Variants in AIPL1 observed in about 807,000 individuals in gnomAD.
AIPL1 encodes AIP like 1 HSP90 co-chaperone, also known as aryl-hydrocarbon-interacting protein-like 1.
Under a neutral mutation model 32.9 loss-of-function variants are expected in AIPL1, and 23 were observed. The ratio of observed to expected loss-of-function variants is 0.70; its 90% CI spans 0.50 to 0.99. The LOEUF is 0.99. Ranked by LOEUF, AIPL1 falls within the 50% of genes least tolerant of loss-of-function variation. The pLI is 0.00. For missense variants in AIPL1, 485 were observed against 506.0 expected, an observed-to-expected ratio of 0.96 and a Z score of 0.40; for synonymous variants, 210 against 209.4, an observed-to-expected ratio of 1.00 and a Z score of -0.02.
chr17:6,425,969 T>C, intron 5 of AIPL1, 139 bp from the exon 6 acceptor site: 1 of 1,222,904 alleles, frequency 8.2e-7, no homozygotes, highest in Non-Finnish European at 1.1e-6. Flanking sequence ...CATCCCTCGG[T>C]TTCCTCAACT....
chr17:6,430,314 G>A (rs4796326), intron 2 of AIPL1, among the ~76,000 whole-genome samples: 33,826 of 151,670 alleles, frequency 0.22, 4,683 homozygotes, highest in Admixed American at 0.32. Context: ...AAATTGGCCC[G>A]GTGTGGTGGT....
Position 6,425,325 on chromosome 17 carries a change from ACC to A in AIPL1, c.*133_*134del. ...TGGGATTGTTTTTTTTTTTTTTTTTACCATGGGTGTGTCTGACTTTGATTTCA... is the reference window on the plus strand; with the variant it reads ...TGGGATTGTTTTTTTTTTTTTTTTTAATGGGTGTGTCTGACTTTGATTTCA... On this transcript the variant is annotated 3_prime_UTR_variant, in exon 6 of 6. Coordinates refer to ENST00000381129, the MANE Select transcript of AIPL1 (RefSeq NM_014336.5). 1 of 895,374 alleles carries A rather than the reference ACC, an allele frequency of 1.1e-6. No individual in the cohort carries two copies. 55.5% of individuals were successfully genotyped at this position (895,374 alleles called of 1,614,324 possible).
intron 2 of AIPL1, among the ~76,000 whole-genome samples, chr17:6,430,954 T>C (rs548459382): frequency 4.3e-4 from 66 of 151,986 alleles, no homozygotes; most frequent in African/African-American, 1.5e-3. Context: ...ATGGATAACA[T>C]GTTGAGTGGG....
chr17:6,425,792 C>T lies in AIPL1; in HGVS notation c.823G>A (p.Ala275Thr), dbSNP rs1049797491. 4 of 1,605,880 alleles carry T rather than the reference C, an allele frequency of 2.5e-6. No homozygotes were observed. The highest frequency in any genetic ancestry group is 1.1e-5 in the South Asian group (1 of 91,078). Residue 275 changes from alanine to threonine, a missense_variant, in exon 6 of 6, where the codon GCA becomes ACA. Physicochemically the swap from Ala to Thr is moderately conservative, Grantham distance 58 (BLOSUM62 0). Coordinates refer to ENST00000381129, the MANE Select transcript of AIPL1 (RefSeq NM_014336.5). ...KAYYVRARAH[A>T]EVWNEAEAKA... The stretch of plus-strand genomic sequence containing the variant: ...GCCTCGGCCTCATTCCACACCTCTG[C>T]GTGAGCCCGGGCACGCACGTAGTAG...
At chr17:6,433,188 C>T (rs1263208463) in intron 2 of AIPL1, among the ~76,000 whole-genome samples, 8 of 152,262 alleles carry the variant, frequency 5.3e-5, no homozygotes, top group Admixed American at 1.3e-4. Context: ...GAGTAATTTA[C>T]GGAGTGCCAT....
chr17:6,434,084 G>A lies in AIPL1; in HGVS notation c.111C>T (p.Phe37=), dbSNP rs11650007. 0.026 allele frequency: 42,228 copies of A among 1,613,834 alleles called. 748 individuals are homozygous for A. The highest frequency in any genetic ancestry group is 0.031 in the Non-Finnish European group (37,005 of 1,179,952). Residue 37 remains phenylalanine, a synonymous_variant, in exon 2 of 6, where the codon TTC becomes TTT. Coordinates refer to ENST00000381129, the MANE Select transcript of AIPL1 (RefSeq NM_014336.5). The stretch of plus-strand genomic sequence containing the variant: ...GCTCCTCATCACATTTCATGGTGCG[G>A]AAATGAAAGATCACCTAGTCACCGA... ...FITGSRVIFH[F]RTMKCDEERT...
In AIPL1 at chr17:6,428,485, G is replaced by A. The variant is rs1223856637; in HGVS notation, c.298C>T (p.Leu100=). Residue 100 remains leucine (L), a synonymous_variant, in exon 3 of 6, where the codon CTA becomes TTA. Transcript: ENST00000381129. ...DTIHTGVYPI[L]SRSLRQMAQG... ...GCCATCTGCCTCAGGCTCCGGGATA[G>A]GATGGGGTAGACCCCCGTGTGCTGT... 1 of 1,613,964 alleles carries A rather than the reference G, an allele frequency of 6.2e-7. No homozygotes were observed. Among genetic ancestry groups the A allele is most frequent in the African/African-American group, 1.3e-5 (1 of 75,066 alleles).
At chr17:6,425,983 A>G in intron 5 of AIPL1, 153 bp from the exon 6 acceptor site, 4 of 1,138,270 alleles carry the variant, frequency 3.5e-6, no homozygotes, top group Non-Finnish European at 4.8e-6. Flanking sequence ...CTCAACTGTA[A>G]GATGGAGATG....
intron 2 of AIPL1, among the ~76,000 whole-genome samples, chr17:6,433,367 C>T (rs1216552700): frequency 6.6e-6 from 1 of 152,094 alleles, no homozygotes; most frequent in Non-Finnish European, 1.5e-5. Flanking sequence ...GAGGCCGAGA[C>T]AGGAGGATTG....
At chr17:6,432,238 C>A (rs1363154033) in intron 2 of AIPL1, among the ~76,000 whole-genome samples, 1 of 151,834 alleles carries the variant, frequency 6.6e-6, no homozygotes, top group Non-Finnish European at 1.5e-5. Flanking sequence ...AAAAAATTAC[C>A]CAGGCGTGGT....
At position 6,427,255 on chromosome 17, in the gene AIPL1, C is replaced by T. The variant is rs1912091199; in HGVS notation, c.466-198G>A. 2.0e-5 allele frequency among the ~76,000 whole-genome samples: 3 copies of T among 152,234 alleles called. No homozygotes were observed. The South Asian group carries it at 6.2e-4, about 31-fold the overall frequency. On this transcript the variant is annotated intron_variant, in intron 3 of 5. Transcript: ENST00000381129. ...TCTTTGTGCAAACTAGGAAAAGGTG[C>T]CCGTTCATCAAGACACTTCACTTCT... is the stretch of plus-strand genomic sequence containing the variant.
In AIPL1 at chr17:6,425,755, A is replaced by C. The variant is rs777386622; in HGVS notation, c.860T>G (p.Leu287Arg). ...CGGCTCCAGCTCCAGCACTTTCTGG[A>C]GGTCCGCCTTGGCCTCGGCCTCATT... ...VWNEAEAKAD[L>R]QKVLELEPSM... Residue 287 changes from leucine to arginine, a missense_variant, in exon 6 of 6, where the codon CTC becomes CGC. Physicochemically the swap from Leu to Arg is moderately radical, Grantham distance 102 (BLOSUM62 -2). Coordinates refer to ENST00000381129, the MANE Select transcript of AIPL1 (RefSeq NM_014336.5). 6.8e-6 allele frequency: 11 copies of C among 1,607,282 alleles called. No individual in the cohort carries two copies. Among genetic ancestry groups the C allele is most frequent in the Non-Finnish European group, 6.8e-6 (8 of 1,179,996 alleles).
intron 5 of AIPL1, 103 bp downstream of exon 5, chr17:6,426,512 G>A: frequency 6.5e-7 from 1 of 1,532,650 alleles, no homozygotes; most frequent in Non-Finnish European, 8.7e-7. Flanking sequence ...AAGGTTTGGT[G>A]CCCTGGTGGG....
chr17:6,428,598 G>T, intron 2 of AIPL1, 92 bp from the exon 3 acceptor site: 3 of 1,221,892 alleles, frequency 2.5e-6, no homozygotes, highest in Non-Finnish European at 2.4e-6. Flanking sequence ...CTCCTGGGAG[G>T]AATCCTGCTC....
At chr17:6,428,268 C>A (rs770275435) in intron 3 of AIPL1, 50 bp downstream of exon 3, 4 of 1,594,840 alleles carry the variant, frequency 2.5e-6, no homozygotes, top group Non-Finnish European at 3.4e-6. Flanking sequence ...TGCCCGCTGT[C>A]CCTCTCCAGT....
rs1911967645 is a variant in AIPL1 at position 6,426,487 on chromosome 17, C to T, written c.784+128G>A. ...ATTCAGTTACACACTCGGGGAAACC[C>T]GGCTGGGTGGAGACAAGGTTTGGTG... On this transcript the variant is annotated intron_variant, in intron 5 of 5. Coordinates refer to ENST00000381129, the MANE Select transcript of AIPL1 (RefSeq NM_014336.5). 3 of 1,516,558 alleles carry T rather than the reference C, an allele frequency of 2.0e-6. No individual in the cohort carries two copies. The Admixed American group carries it at 6.0e-5, about 30-fold the overall frequency. The allele number at this position is 1,516,558 out of a possible 1,614,324, so 93.9% of individuals were successfully genotyped here. A position where few individuals can be genotyped will look rare whatever the true frequency, so the allele number is the denominator to read the frequency against.
At chr17:6,429,703 A>C (rs373921615) in intron 2 of AIPL1, among the ~76,000 whole-genome samples, 5 of 152,336 alleles carry the variant, frequency 3.3e-5, no homozygotes, top group East Asian at 1.9e-4. Context: ...CTCCTCCTGC[A>C]GAATTCAAGT....
At chr17:6,433,737 C>T (rs1288875530) in intron 2 of AIPL1, among the ~76,000 whole-genome samples, 182 bp downstream of exon 2, 1 of 152,122 alleles carries the variant, frequency 6.6e-6, no homozygotes, top group Non-Finnish European at 1.5e-5. Flanking sequence ...GCATGGGTCA[C>T]CCCTTCCAGC....
At chr17:6,426,493 G>A in intron 5 of AIPL1, 122 bp downstream of exon 5, 1 of 1,521,626 alleles carries the variant, frequency 6.6e-7, no homozygotes, top group Non-Finnish European at 8.8e-7. Context: ...AACCCGGCTG[G>A]GTGGAGACAA....
Sources: allele counts gnomAD v4.1 joint callset (sites outside exome capture counted in the v4.1 genomes callset), GRCh38; gene constraint gnomAD v4.1.1; transcripts MANE v1.5; gene names NCBI Gene and HGNC (gene_info 2026-07-23, HGNC 2026-07-21).